The following NDST4 variants were observed in gnomAD, a reference collection of about 807,000 sequenced individuals.
NDST4 encodes the protein N-heparan sulfate sulfotransferase 4.
In NDST4, 63 loss-of-function variants were observed where a neutral mutation model predicts 100.8. The observed-to-expected ratio is 0.62, with a 90% CI of 0.51 to 0.77. NDST4 has a LOEUF of 0.77. Among genes scored for constraint, NDST4 ranks in the 30% least tolerant of loss-of-function variants. The pLI, the probability that NDST4 is intolerant of heterozygous loss-of-function variation, is 0.00. For synonymous variants in NDST4, 377 were observed against 361.8 expected (o/e 1.04, Z -0.48); for missense variants, 943 against 1,018.4 (o/e 0.93, Z 1.01).
intron 6 of NDST4, among the ~76,000 whole-genome samples, chr4:114,897,284 C>T (rs1724736140): frequency 6.6e-6 from 1 of 152,088 alleles, no homozygotes; most frequent in Admixed American, 6.5e-5. Context: ...TTTTTGCTGT[C>T]TCTATAGTTT....
chr4:114,915,115 A>C (rs1441543026), intron 6 of NDST4, among the ~76,000 whole-genome samples: 2 of 152,310 alleles, frequency 1.3e-5, no homozygotes. Flanking sequence ...AGTCCTTCAG[A>C]GTTGATAAGA....
intron 7 of NDST4, among the ~76,000 whole-genome samples, chr4:114,856,601 C>T (rs947454789): frequency 6.6e-6 from 1 of 152,036 alleles, no homozygotes; most frequent in Non-Finnish European, 1.5e-5. Flanking sequence ...ATAATTTTAT[C>T]CAATTAAAAT....
chr4:114,877,790 A>G (rs2126199625), intron 6 of NDST4, among the ~76,000 whole-genome samples: 2 of 152,228 alleles, frequency 1.3e-5, no homozygotes, highest in South Asian at 4.1e-4. Context: ...TCTACTACAA[A>G]TACAAAAAGT....
At chr4:115,080,708 G>A (rs199505170) in intron 1 of NDST4, among the ~76,000 whole-genome samples, 34,174 of 151,288 alleles carry the variant, frequency 0.23, 5,201 homozygotes, top group East Asian at 0.45. Context: ...GTGTGTGTGT[G>A]TAATAATGAA....
intron 2 of NDST4, among the ~76,000 whole-genome samples, chr4:115,071,276 T>TCACACACACA (rs70964340): frequency 4.5e-4 from 62 of 138,176 alleles, no homozygotes; most frequent in African/African-American, 1.4e-3. Context: ...AAGTATGCCT[T>TCACACACACA]CACACACACA....
intron 11 of NDST4, among the ~76,000 whole-genome samples, chr4:114,835,538 T>C (rs1480805773): frequency 6.6e-6 from 1 of 152,224 alleles, no homozygotes; most frequent in South Asian, 2.1e-4. Flanking sequence ...TACTTCCCAT[T>C]ACGTGGTCAA....
intron 2 of NDST4, among the ~76,000 whole-genome samples, chr4:115,042,546 T>A (rs894799663): frequency 6.6e-6 from 1 of 152,136 alleles, no homozygotes; most frequent in African/African-American, 2.4e-5. Flanking sequence ...TTGTTCTATT[T>A]TATTATCTGT....
chr4:114,883,097 A>C (rs1724405566), intron 6 of NDST4, among the ~76,000 whole-genome samples: 1 of 152,118 alleles, frequency 6.6e-6, no homozygotes, highest in Non-Finnish European at 1.5e-5. Flanking sequence ...GAAAAGTCAG[A>C]TGAAGTTTTT....
chr4:115,013,353 A>ATT, intron 2 of NDST4, among the ~76,000 whole-genome samples: 2 of 88,792 alleles, frequency 2.3e-5, no homozygotes, highest in East Asian at 5.1e-4. Context: ...TACCATATAT[A>ATT]TATATATATA....
At chr4:114,901,478 A>T (rs1343437979) in intron 6 of NDST4, among the ~76,000 whole-genome samples, 3 of 151,860 alleles carry the variant, frequency 2.0e-5, no homozygotes, top group Non-Finnish European at 4.4e-5. Context: ...TGTTAGAATG[A>T]TTTATCTTTC....
intron 2 of NDST4, among the ~76,000 whole-genome samples, chr4:114,988,135 AC>A (rs1726952462): frequency 6.6e-6 from 1 of 152,030 alleles, no homozygotes; most frequent in African/African-American, 2.4e-5. Context: ...TTTAGAATTA[AC>A]AATTATAATT....
In NDST4 at chr4:115,009,681, A is replaced by C. The variant is rs1224292794; in HGVS notation, c.979-32407T>G. The stretch of plus-strand genomic sequence containing the variant: ...AATGGCAAGGAAAGCCAAAATTGAC[A>C]AATGGGATCTAATTAAACTAAAGAG... On this transcript the variant is annotated intron_variant, in intron 2 of 13. Coordinates refer to ENST00000264363, the MANE Select transcript of NDST4 (RefSeq NM_022569.3). Among the ~76,000 whole-genome samples the C allele has an allele frequency of 3.2e-5, 4 of 123,788 alleles. 1 individual carries two copies. The Admixed American group carries it at 3.3e-4, about 10-fold the overall frequency. 81.2% of individuals were successfully genotyped at this position (123,788 alleles called of 152,430 possible). A position where few individuals can be genotyped will look rare whatever the true frequency, so the allele number is the denominator to read the frequency against.
intron 2 of NDST4, among the ~76,000 whole-genome samples, chr4:115,034,054 C>G (rs1177975357): frequency 6.6e-6 from 1 of 152,130 alleles, no homozygotes; most frequent in African/African-American, 2.4e-5. Flanking sequence ...GCCCTAACCA[C>G]AAGTTCCTCT....
chr4:114,987,049 A>G (rs115280273), intron 2 of NDST4, among the ~76,000 whole-genome samples: 4,040 of 151,970 alleles, frequency 0.027, 123 homozygotes, highest in African/African-American at 0.067. Context: ...AGTAATAGTG[A>G]CGTAGAACTC....
chr4:114,854,867 T>C (rs377109926), intron 7 of NDST4, among the ~76,000 whole-genome samples: 3 of 152,212 alleles, frequency 2.0e-5, no homozygotes, highest in African/African-American at 7.2e-5. Flanking sequence ...TTGTTTTCCA[T>C]AGTGGTTGTA....
chr4:114,839,360 G>C lies in NDST4; in HGVS notation c.2286+18C>G. 2.5e-6 allele frequency: 4 copies of C among 1,584,974 alleles called. No individual in the cohort carries two copies. The highest frequency in any genetic ancestry group is 3.4e-6 in the Non-Finnish European group (4 of 1,164,992). Reference sequence around the variant, plus strand: ...ATTATAATAAAATAAACAGAAGAAAGTAATTTCAGGACATTACCTGAGAAG... The same window carrying C: ...ATTATAATAAAATAAACAGAAGAAACTAATTTCAGGACATTACCTGAGAAG... On this transcript the variant is annotated intron_variant, in intron 11 of 13. Transcript: ENST00000264363.
intron 2 of NDST4, among the ~76,000 whole-genome samples, chr4:115,051,851 G>T (rs1728590691): frequency 6.6e-6 from 1 of 152,066 alleles, no homozygotes; most frequent in Non-Finnish European, 1.5e-5. Context: ...TCTCCATAGT[G>T]TTTGTACTAA....
chr4:114,950,140 C>T (rs1166759366), intron 4 of NDST4, among the ~76,000 whole-genome samples: 4 of 152,012 alleles, frequency 2.6e-5, no homozygotes, highest in Non-Finnish European at 2.9e-5. Context: ...GAAGCTCTAA[C>T]ACCTAGGATA....
At position 114,941,243 on chromosome 4, in the gene NDST4, A is replaced by T. The variant is rs552768029; in HGVS notation, c.1222-3740T>A. ...GAAGGCATGTAACTTGCTTATATTC[A>T]TTCACAAGTGTCTGAGCTATACTTC... On this transcript the variant is annotated intron_variant, in intron 4 of 13. Transcript: ENST00000264363. Among the ~76,000 whole-genome samples the T allele has an allele frequency of 3.3e-5, 5 of 152,316 alleles. No homozygotes were observed. In the East Asian group the frequency reaches 9.7e-4, roughly 29 times the overall value.
Sources: gnomAD v4.1 joint callset for allele counts (sites outside exome capture counted in the v4.1 genomes callset) on GRCh38, gnomAD v4.1.1 for gene constraint, MANE v1.5 for transcripts, NCBI Gene and HGNC (gene_info 2026-07-23, HGNC 2026-07-21) for gene names.